NAALADL2: variants seen among roughly 807,000 people sequenced by gnomAD.
NAALADL2 encodes N-acetylated alpha-linked acidic dipeptidase like 2, also known as inactive N-acetylated-alpha-linked acidic dipeptidase-like protein 2.
Under a neutral mutation model 87.2 loss-of-function variants are expected in NAALADL2, and 76 were observed. The ratio of observed to expected loss-of-function variants is 0.87; its 90% CI spans 0.72 to 1.05. The LOEUF (loss-of-function observed/expected upper bound fraction) is 1.05, where lower values mean the gene tolerates loss of function less well. Among genes scored for constraint, NAALADL2 ranks in the 50% least tolerant of loss-of-function variants. The pLI, the probability that NAALADL2 is intolerant of heterozygous loss-of-function variation, is 0.00. For synonymous variants in NAALADL2, 354 were observed against 331.0 expected (o/e 1.07, Z -0.75); for missense variants, 1,089 against 945.8 (o/e 1.15, Z -1.99).
At chr3:175,369,531 G>GTA (rs1766178658) in intron 5 of NAALADL2, 2 of 152,410 alleles carry the variant, frequency 1.3e-5, no homozygotes, top group South Asian at 4.1e-4. Flanking sequence ...GTGTGTATGT[G>GTA]TATATATACA....
At chr3:175,327,376 C>T (rs577199683) in intron 5 of NAALADL2, among the ~76,000 whole-genome samples, 1 of 152,128 alleles carries the variant, frequency 6.6e-6, no homozygotes, top group South Asian at 2.1e-4. Flanking sequence ...ATAATAGTCT[C>T]GATCTCTTGA....
chr3:175,627,520 G>A (rs142260838), intron 11 of NAALADL2, 134 bp downstream of exon 11: 30 of 590,406 alleles, frequency 5.1e-5, no homozygotes, highest in African/African-American at 4.9e-4. Context: ...AAGGATTTTA[G>A]TATATCCTAT....
intron 1 of NAALADL2, among the ~76,000 whole-genome samples, chr3:175,028,159 CT>C (rs1357406279): frequency 6.6e-6 from 1 of 152,002 alleles, no homozygotes; most frequent in Non-Finnish European, 1.5e-5. Context: ...CCTAATATTT[CT>C]TTTTGATGTG....
At chr3:175,455,570 T>C (rs1224744994) in intron 6 of NAALADL2, among the ~76,000 whole-genome samples, 2 of 152,116 alleles carry the variant, frequency 1.3e-5, no homozygotes, top group Non-Finnish European at 2.9e-5. Context: ...TTTAATTCAA[T>C]GTTAATTGTT....
intron 1 of NAALADL2, among the ~76,000 whole-genome samples, chr3:174,474,039 C>G (rs1452111418): frequency 2.0e-5 from 3 of 152,046 alleles, no homozygotes; most frequent in African/African-American, 7.2e-5. Flanking sequence ...AGAACTCACT[C>G]TGATTCAGTT....
At chr3:175,557,751 T>C (rs1443836386) in intron 9 of NAALADL2, among the ~76,000 whole-genome samples, 1 of 152,186 alleles carries the variant, frequency 6.6e-6, no homozygotes, top group African/African-American at 2.4e-5. Flanking sequence ...CTTGCCAGCA[T>C]TTGTTTTTGC....
chr3:174,699,445 G>A (rs1729347279), intron 2 of NAALADL2, among the ~76,000 whole-genome samples: 1 of 148,864 alleles, frequency 6.7e-6, no homozygotes, highest in African/African-American at 2.5e-5. Flanking sequence ...AGTGAGCCAA[G>A]ACCACACCAT....
At chr3:174,714,576 G>A (rs1196027359) in intron 2 of NAALADL2, among the ~76,000 whole-genome samples, 2 of 152,156 alleles carry the variant, frequency 1.3e-5, no homozygotes, top group South Asian at 2.1e-4. Flanking sequence ...GTGAATGGGA[G>A]TTCACTCATG....
chr3:174,648,961 G>C (rs920162506), intron 2 of NAALADL2, among the ~76,000 whole-genome samples: 2 of 151,914 alleles, frequency 1.3e-5, no homozygotes, highest in African/African-American at 4.8e-5. Context: ...TTTTGTTTTT[G>C]TTTTGTTGTT....
intron 6 of NAALADL2, among the ~76,000 whole-genome samples, chr3:175,450,949 C>T (rs11925134): frequency 6.6e-6 from 1 of 151,780 alleles, no homozygotes; most frequent in Non-Finnish European, 1.5e-5. Flanking sequence ...GGGAATGCAT[C>T]CTACCTGAAA....
At chr3:175,546,332 G>C (rs542635170) in intron 9 of NAALADL2, among the ~76,000 whole-genome samples, 1 of 152,016 alleles carries the variant, frequency 6.6e-6, no homozygotes, top group Non-Finnish European at 1.5e-5. Flanking sequence ...ATGGTTCTTG[G>C]TTCGTTATCC....
chr3:174,998,068 C>G (rs921187100), intron 1 of NAALADL2, among the ~76,000 whole-genome samples: 3 of 152,150 alleles, frequency 2.0e-5, no homozygotes, highest in Non-Finnish European at 4.4e-5. Flanking sequence ...TTCTAATCTT[C>G]TACAAAGGTG....
intron 5 of NAALADL2, among the ~76,000 whole-genome samples, chr3:175,393,070 C>A (rs942733772): frequency 1.3e-5 from 2 of 151,540 alleles, no homozygotes; most frequent in Non-Finnish European, 2.9e-5. Context: ...GTCAGGAGAT[C>A]GAGACCATCC....
chr3:175,400,734 T>C (rs1770454462), intron 5 of NAALADL2, among the ~76,000 whole-genome samples: 1 of 152,076 alleles, frequency 6.6e-6, no homozygotes, highest in South Asian at 2.1e-4. Context: ...AACCTTATGG[T>C]CTGGGTCAGT....
intron 4 of NAALADL2, among the ~76,000 whole-genome samples, chr3:175,263,001 A>C (rs1345374401): frequency 6.4e-5 from 3 of 46,930 alleles, no homozygotes; most frequent in Admixed American, 2.1e-4. Context: ...AGTAATTGCA[A>C]AAAAAAAAAA....
intron 2 of NAALADL2, among the ~76,000 whole-genome samples, chr3:174,587,190 T>C (rs1716822888): frequency 6.6e-6 from 1 of 152,128 alleles, no homozygotes; most frequent in South Asian, 2.1e-4. Flanking sequence ...TGCATAGTAT[T>C]CCATGGTGAA....
intron 3 of NAALADL2, among the ~76,000 whole-genome samples, chr3:174,841,039 A>T (rs1391462851): frequency 1.0e-5 from 1 of 99,650 alleles, no homozygotes; most frequent in African/African-American, 3.4e-5. Flanking sequence ...TGACTTTATT[A>T]AAAAAAAAGA....
At chr3:174,979,169 C>T (rs974014753) in intron 1 of NAALADL2, among the ~76,000 whole-genome samples, 2 of 151,790 alleles carry the variant, frequency 1.3e-5, no homozygotes, top group African/African-American at 4.8e-5. Context: ...TTCTTATTTT[C>T]TTCAGAGTTT....
rs1714341570 is a variant in NAALADL2 at position 174,566,852 on chromosome 3, A to G, written c.-115+16215A>G. Among the ~76,000 whole-genome samples, 3 of 151,052 alleles carry G rather than the reference A, an allele frequency of 2.0e-5. No homozygotes were observed. In the Admixed American group the frequency reaches 2.0e-4, roughly 10 times the overall value. ...TGGTGTTTGGGGAGTCTGTTGTAGC[A>G]TTTGAGTGGTCCATGATTAACTTTT... On this transcript the variant is annotated intron_variant, in intron 2 of 3. Transcript: ENST00000434257.
Sources: allele counts gnomAD v4.1 joint callset (sites outside exome capture counted in the v4.1 genomes callset), GRCh38; gene constraint gnomAD v4.1.1; transcripts MANE v1.5; gene names NCBI Gene and HGNC (gene_info 2026-07-23, HGNC 2026-07-21).